PLAA: variants seen among roughly 807,000 people sequenced by gnomAD.
PLAA encodes the protein phospholipase A-2-activating protein.
A neutral mutation model predicts 84.1 loss-of-function variants in PLAA; 48 were observed. That is an observed-to-expected ratio of 0.57 (90% CI 0.45 to 0.73). PLAA has a LOEUF of 0.73. Ranked by LOEUF, PLAA falls within the 30% of genes least tolerant of loss-of-function variation. The pLI, the probability that PLAA is intolerant of heterozygous loss-of-function variation, is 0.00. For synonymous variants in PLAA, 392 were observed against 336.6 expected (o/e 1.16, Z -1.80); for missense variants, 903 against 954.7 (o/e 0.95, Z 0.71).
intron 10 of PLAA, 79 bp from the exon 11 acceptor site, chr9:26,914,026 GTAT>G: frequency 1.0e-6 from 1 of 987,158 alleles, no homozygotes; most frequent in Non-Finnish European, 1.6e-6. Context: ...CTTATTTCCA[GTAT>G]TAAGCACACT....
intron 12 of PLAA, among the ~76,000 whole-genome samples, chr9:26,910,005 A>T (rs1824352694): frequency 6.6e-6 from 1 of 152,226 alleles, no homozygotes; most frequent in African/African-American, 2.4e-5. Flanking sequence ...ATAAGATCTT[A>T]ATTTTTCAAA....
intron 1 of PLAA, among the ~76,000 whole-genome samples, chr9:26,940,277 TA>T (rs996044824): frequency 5.3e-5 from 8 of 152,198 alleles, no homozygotes; most frequent in Non-Finnish European, 1.0e-4. Flanking sequence ...AATGGATGAA[TA>T]AACAAAATGT....
intron 8 of PLAA, 119 bp from the exon 9 acceptor site, chr9:26,919,648 A>T (rs151107806): frequency 1.6e-5 from 10 of 632,734 alleles, no homozygotes; most frequent in Non-Finnish European, 2.5e-5. Flanking sequence ...CTTTCTCCAA[A>T]GTGCAGTGCT....
intron 9 of PLAA, among the ~76,000 whole-genome samples, chr9:26,917,750 G>C (rs369900494): frequency 2.0e-5 from 3 of 152,226 alleles, no homozygotes; most frequent in Non-Finnish European, 1.5e-5. Flanking sequence ...AATGTGTGGC[G>C]TATGTGCCTA....
intron 12 of PLAA, 89 bp downstream of exon 12, chr9:26,910,249 A>T: frequency 1.1e-6 from 1 of 882,862 alleles, no homozygotes; most frequent in South Asian, 1.4e-5. Flanking sequence ...TAAGTACCCA[A>T]TTCCTGACAC....
chr9:26,927,562 C>T (rs985663118), intron 4 of PLAA, among the ~76,000 whole-genome samples: 10 of 152,162 alleles, frequency 6.6e-5, no homozygotes, highest in Admixed American at 5.2e-4. Flanking sequence ...ACAAATAAAT[C>T]AATGATATTA....
chr9:26,916,680 T>A, intron 10 of PLAA: 1 of 996,398 alleles, frequency 1.0e-6, no homozygotes, highest in Non-Finnish European at 1.2e-6. Flanking sequence ...TCATGCTGTG[T>A]CTTGGTTGGT....
At chr9:26,943,495 G>A (rs983872785) in intron 1 of PLAA, among the ~76,000 whole-genome samples, 3 of 152,140 alleles carry the variant, frequency 2.0e-5, no homozygotes, top group Admixed American at 2.0e-4. Flanking sequence ...GATTCAGTAA[G>A]AGGCAATTCA....
intron 1 of PLAA, among the ~76,000 whole-genome samples, chr9:26,939,184 C>T (rs1308819593): frequency 6.6e-6 from 1 of 152,004 alleles, no homozygotes; most frequent in Non-Finnish European, 1.5e-5. Flanking sequence ...GTCAGGAGAT[C>T]GGGACTATCC....
Position 26,904,144 on chromosome 9 carries a change from T to G in PLAA, c.*1367A>C, listed in dbSNP as rs760581302. On this transcript the variant is annotated 3_prime_UTR_variant, in exon 14 of 14. Transcript: ENST00000397292. Reference sequence around the variant, plus strand: ...TCTATTTACATTTTGCTCATTTCCTTTTGATATTCCAAAAGTTCTTACTTG... The same window carrying G: ...TCTATTTACATTTTGCTCATTTCCTGTTGATATTCCAAAAGTTCTTACTTG... 5.2e-5 allele frequency: 8 copies of G among 152,404 alleles called. No individual in the cohort carries two copies. Among genetic ancestry groups the G allele is most frequent in the South Asian group, 4.1e-4 (2 of 4,836 alleles). The allele number at this position is 152,404 out of a possible 1,614,324, so 9.4% of individuals were successfully genotyped here.
intron 2 of PLAA, among the ~76,000 whole-genome samples, chr9:26,933,455 TAAATTA>T (rs922915929): frequency 3.3e-5 from 5 of 150,538 alleles, no homozygotes; most frequent in Admixed American, 2.6e-4. Flanking sequence ...CGTCTCAAAA[TAAATTA>T]AAATTAAAAT....
intron 1 of PLAA, among the ~76,000 whole-genome samples, chr9:26,941,656 T>C (rs1259380116): frequency 6.6e-6 from 1 of 152,152 alleles, no homozygotes; most frequent in Admixed American, 6.5e-5. Context: ...TAAAACATTT[T>C]TTTAAATTGT....
chr9:26,913,741 C>A, intron 11 of PLAA, 138 bp downstream of exon 11: 1 of 588,516 alleles, frequency 1.7e-6, no homozygotes, highest in South Asian at 2.3e-5. Context: ...ACTCAAAAAG[C>A]CAGACAAGTT....
intron 1 of PLAA, among the ~76,000 whole-genome samples, chr9:26,939,713 T>A (rs1348680836): frequency 6.6e-6 from 1 of 151,920 alleles, no homozygotes; most frequent in East Asian, 1.9e-4. Flanking sequence ...AACAGGATAT[T>A]CCATGAAAAC....
intron 7 of PLAA, among the ~76,000 whole-genome samples, chr9:26,920,829 C>G (rs1306563329): frequency 6.6e-6 from 1 of 152,154 alleles, no homozygotes; most frequent in African/African-American, 2.4e-5. Flanking sequence ...ATCTAGAAAA[C>G]TGTCTCCTTA....
intron 9 of PLAA, among the ~76,000 whole-genome samples, chr9:26,918,340 GACTGGTCTTGA>G (rs1489369588): frequency 6.8e-6 from 1 of 147,140 alleles, no homozygotes; most frequent in African/African-American, 2.5e-5. Context: ...ATGTTGGCCA[GACTGGTCTTGA>G]ACTCCTGACC....
At chr9:26,920,184 A>T (rs747839068) in intron 8 of PLAA, 43 bp downstream of exon 8, 1 of 1,534,058 alleles carries the variant, frequency 6.5e-7, no homozygotes, top group South Asian at 1.1e-5. Context: ...TAATTTGCCT[A>T]ATATTTAAGA....
At chr9:26,916,091 T>C in intron 10 of PLAA, 2 of 985,452 alleles carry the variant, frequency 2.0e-6, no homozygotes, top group Non-Finnish European at 2.4e-6. Context: ...ACCATTTCCA[T>C]CTGGGCCATC....
intron 1 of PLAA, among the ~76,000 whole-genome samples, chr9:26,937,744 TATG>T (rs1006691940): frequency 6.6e-6 from 1 of 151,668 alleles, no homozygotes; most frequent in Non-Finnish European, 1.5e-5. Flanking sequence ...AGATGAAAGG[TATG>T]ATAACTGAAA....
Sources: allele counts gnomAD v4.1 joint callset (sites outside exome capture counted in the v4.1 genomes callset), GRCh38; gene constraint gnomAD v4.1.1; transcripts MANE v1.5; gene names NCBI Gene and HGNC (gene_info 2026-07-23, HGNC 2026-07-21).